The following NOL4 variants were observed in gnomAD, a reference collection of about 807,000 sequenced individuals.
NOL4 encodes the protein cancer/testis antigen 125.
Under a neutral mutation model 75.9 loss-of-function variants are expected in NOL4, and 17 were observed. The observed-to-expected ratio is 0.22, with a 90% CI of 0.15 to 0.34. The LOEUF (loss-of-function observed/expected upper bound fraction) is 0.34. Ranked by LOEUF, NOL4 falls within the 10% of genes least tolerant of loss-of-function variation. The pLI is 1.00. For synonymous variants in NOL4, 292 were observed against 289.9 expected (o/e 1.01, Z -0.07); for missense variants, 614 against 793.5 (o/e 0.77, Z 2.72).
At chr18:34,184,687 T>C (rs2034320383) in intron 1 of NOL4, among the ~76,000 whole-genome samples, 1 of 152,066 alleles carries the variant, frequency 6.6e-6, no homozygotes, top group African/African-American at 2.4e-5. Context: ...TCCTTATGAA[T>C]TCACAAAACA....
Position 34,135,027 on chromosome 18 carries a change from C to T in NOL4, c.265-5007G>A, listed in dbSNP as rs150943208. ...AACCAGAAAAAGAGTAAACTAAAAT[C>T]GAGCAGAAGGGAGAGAATATGTAAA... is the stretch of plus-strand genomic sequence containing the variant. On this transcript the variant is annotated intron_variant, in intron 1 of 10. Transcript: ENST00000261592. 1.6e-4 allele frequency among the ~76,000 whole-genome samples: 25 copies of T among 151,976 alleles called. No individual in the cohort carries two copies. In the South Asian group the frequency reaches 1.9e-3, roughly 11 times the overall value.
chr18:34,209,026 A>T (rs1349454878), intron 1 of NOL4, among the ~76,000 whole-genome samples: 1 of 151,828 alleles, frequency 6.6e-6, no homozygotes, highest in Admixed American at 6.6e-5. Context: ...CTTTGCCAAC[A>T]TGGTGAAACC....
At chr18:33,858,388 G>A (rs1473946915) in intron 10 of NOL4, among the ~76,000 whole-genome samples, 2 of 151,200 alleles carry the variant, frequency 1.3e-5, no homozygotes, top group African/African-American at 4.9e-5. Flanking sequence ...TTGCCAAAGA[G>A]TAAAAAAAAA....
chr18:34,167,282 C>G (rs928603318), intron 1 of NOL4, among the ~76,000 whole-genome samples: 2 of 151,802 alleles, frequency 1.3e-5, no homozygotes, highest in Non-Finnish European at 2.9e-5. Context: ...AAGGGAATAC[C>G]GTATAACGTT....
intron 10 of NOL4, among the ~76,000 whole-genome samples, chr18:33,860,075 C>G (rs549561484): frequency 6.6e-6 from 1 of 151,886 alleles, no homozygotes; most frequent in South Asian, 2.1e-4. Flanking sequence ...AGGTGGCAGG[C>G]GAGAGAGCAC....
intron 1 of NOL4, among the ~76,000 whole-genome samples, chr18:34,176,846 T>C (rs1017119529): frequency 5.9e-5 from 9 of 152,130 alleles, no homozygotes; most frequent in African/African-American, 1.7e-4. Context: ...TATTTTGTTA[T>C]GGCAGCCAAA....
chr18:33,941,251 C>T (rs998675083), intron 9 of NOL4, among the ~76,000 whole-genome samples: 4 of 151,966 alleles, frequency 2.6e-5, no homozygotes, highest in African/African-American at 9.6e-5. Context: ...CAGCTGATGA[C>T]CAGCTTTGGG....
At chr18:34,132,727 T>G (rs1041118234) in intron 1 of NOL4, among the ~76,000 whole-genome samples, 1 of 131,414 alleles carries the variant, frequency 7.6e-6, no homozygotes, top group Non-Finnish European at 1.6e-5. Flanking sequence ...ACCCAAAGTT[T>G]CAAAAACGCA....
At chr18:33,954,517 C>CT (rs560463236) in intron 8 of NOL4, among the ~76,000 whole-genome samples, 16 of 149,374 alleles carry the variant, frequency 1.1e-4, no homozygotes. Context: ...AGAGATGTAA[C>CT]TTTTTTTGAT....
At chr18:33,854,519 C>T (rs919425555) in intron 10 of NOL4, among the ~76,000 whole-genome samples, 2 of 152,004 alleles carry the variant, frequency 1.3e-5, no homozygotes, top group Non-Finnish European at 2.9e-5. Context: ...AGTTACTGAA[C>T]CTGTGTTGAG....
At chr18:34,143,809 G>T (rs1202595106) in intron 1 of NOL4, among the ~76,000 whole-genome samples, 1 of 141,678 alleles carries the variant, frequency 7.1e-6, no homozygotes, top group Non-Finnish European at 1.5e-5. Context: ...AGGTTGCAGT[G>T]AGCCAAGATT....
At chr18:33,868,649 T>A (rs1307160685) in intron 10 of NOL4, among the ~76,000 whole-genome samples, 1 of 137,902 alleles carries the variant, frequency 7.3e-6, no homozygotes, top group African/African-American at 2.7e-5. Flanking sequence ...TTCCTGTATT[T>A]CACACACACA....
intron 4 of NOL4, among the ~76,000 whole-genome samples, chr18:34,103,205 AG>A (rs1307676918): frequency 1.3e-5 from 2 of 152,090 alleles, no homozygotes; most frequent in Non-Finnish European, 2.9e-5. Flanking sequence ...ATAATTTATT[AG>A]CCTGAGGACC....
At chr18:34,038,828 C>T (rs183158407) in intron 5 of NOL4, among the ~76,000 whole-genome samples, 64 of 152,040 alleles carry the variant, frequency 4.2e-4, no homozygotes, top group African/African-American at 1.5e-3. Flanking sequence ...TGTTTGATAA[C>T]AGCCTAAAGT....
intron 9 of NOL4, among the ~76,000 whole-genome samples, chr18:33,919,533 T>C (rs2066912140): frequency 6.6e-6 from 1 of 152,218 alleles, no homozygotes; most frequent in Non-Finnish European, 1.5e-5. Context: ...AGCTTTCATA[T>C]TTAGAGGAAA....
chr18:34,224,814 G>GC lies in NOL4; in HGVS notation c.-1562dup, dbSNP rs1375433828. 3.2e-5 allele frequency: 5 copies of GC among 154,700 alleles called. No individual in the cohort carries two copies. The highest frequency in any genetic ancestry group is 7.2e-5 in the Non-Finnish European group (5 of 69,702). The allele number at this position is 154,700 out of a possible 1,614,324, so 9.6% of individuals were successfully genotyped here. A position where few individuals can be genotyped will look rare whatever the true frequency, so the allele number is the denominator to read the frequency against. On this transcript the variant is annotated 5_prime_UTR_variant, in exon 1 of 11. Transcript: ENST00000261592. ...GCAAGGGAGCGAGGGTGTGCGGTGT[G>GC]CAGGGGGTGCGCTGTGTGTGCGCGC...
At chr18:34,199,955 A>G (rs2035613614) in intron 1 of NOL4, among the ~76,000 whole-genome samples, 1 of 151,850 alleles carries the variant, frequency 6.6e-6, no homozygotes. Context: ...TACCAACAAG[A>G]GCAGCAGCAT....
At chr18:34,097,395 C>T (rs76059315) in intron 4 of NOL4, among the ~76,000 whole-genome samples, 1,929 of 119,916 alleles carry the variant, frequency 0.016, 11 homozygotes, top group Middle Eastern at 0.048. Context: ...ATTCATATCC[C>T]CAGGTCCCAC....
At chr18:34,034,055 C>T (rs2075769366) in intron 5 of NOL4, among the ~76,000 whole-genome samples, 1 of 152,138 alleles carries the variant, frequency 6.6e-6, no homozygotes, top group South Asian at 2.1e-4. Flanking sequence ...CAGTCTTCAA[C>T]CCAAAAGCGA....
Sources: gnomAD v4.1 joint callset for allele counts (sites outside exome capture counted in the v4.1 genomes callset) on GRCh38, gnomAD v4.1.1 for gene constraint, MANE v1.5 for transcripts, NCBI Gene and HGNC (gene_info 2026-07-23, HGNC 2026-07-21) for gene names.